Variants in PTPRD observed in about 807,000 individuals in gnomAD.
PTPRD encodes protein tyrosine phosphatase receptor type D, also known as receptor-type tyrosine-protein phosphatase delta.
Under a neutral mutation model 214.5 loss-of-function variants are expected in PTPRD, and 34 were observed. That is an observed-to-expected ratio of 0.16 (90% CI 0.12 to 0.21). PTPRD has a LOEUF of 0.21. PTPRD is among the 10% of genes least tolerant of loss of function. PTPRD has a pLI of 1.00. For synonymous variants in PTPRD, 1,128 were observed against 845.7 expected, an observed-to-expected ratio of 1.33 and a Z score of -5.79; for missense variants, 2,545 against 2,398.7, an observed-to-expected ratio of 1.06 and a Z score of -1.27.
At chr9:9,541,097 C>T (rs1396126348) in intron 8 of PTPRD, among the ~76,000 whole-genome samples, 1 of 151,706 alleles carries the variant, frequency 6.6e-6, no homozygotes, top group Non-Finnish European at 1.5e-5. Flanking sequence ...AGGAGAAATA[C>T]ACGGTAGACC....
intron 7 of PTPRD, among the ~76,000 whole-genome samples, chr9:9,661,155 A>G (rs188499265): frequency 6.6e-6 from 1 of 151,884 alleles, no homozygotes; most frequent in Non-Finnish European, 1.5e-5. Flanking sequence ...TATATTTCCA[A>G]TGAGAGGCTA....
chr9:8,708,704 A>ACC (rs60136458), intron 12 of PTPRD, among the ~76,000 whole-genome samples: 1 of 123,670 alleles, frequency 8.1e-6, no homozygotes, highest in Non-Finnish European at 1.7e-5. Flanking sequence ...AAAAAAAAAA[A>ACC]CAGAGCTACC....
chr9:9,782,768 A>G (rs540946941), intron 5 of PTPRD, among the ~76,000 whole-genome samples: 1 of 152,334 alleles, frequency 6.6e-6, no homozygotes, highest in South Asian at 2.1e-4. Context: ...ACTCCAGTGT[A>G]TAACAAGTTA....
At chr9:9,135,879 A>G (rs79161181) in intron 10 of PTPRD, among the ~76,000 whole-genome samples, 5,979 of 152,160 alleles carry the variant, frequency 0.039, 251 homozygotes, top group African/African-American at 0.094. Flanking sequence ...GTTCTTCAAA[A>G]GTTGAGCAGG....
intron 14 of PTPRD, among the ~76,000 whole-genome samples, chr9:8,581,351 C>A (rs1344325283): frequency 6.6e-6 from 1 of 152,150 alleles, no homozygotes; most frequent in Non-Finnish European, 1.5e-5. Flanking sequence ...ACTGACAGAA[C>A]TAAATTCTCA....
intron 7 of PTPRD, among the ~76,000 whole-genome samples, chr9:9,607,893 G>C (rs2094275592): frequency 6.6e-6 from 1 of 151,984 alleles, no homozygotes; most frequent in South Asian, 2.1e-4. Flanking sequence ...TTTAGAAAAC[G>C]CACTTGAGCT....
chr9:9,464,326 T>C (rs991752680), intron 8 of PTPRD, among the ~76,000 whole-genome samples: 2 of 152,188 alleles, frequency 1.3e-5, no homozygotes, highest in African/African-American at 4.8e-5. Flanking sequence ...CAGCTTATTG[T>C]TTCCAAAATG....
chr9:9,017,848 C>G (rs1415774772), intron 11 of PTPRD, among the ~76,000 whole-genome samples: 1 of 151,980 alleles, frequency 6.6e-6, no homozygotes, highest in African/African-American at 2.4e-5. Context: ...TAAAATGGAA[C>G]TTTCTTCTAC....
At chr9:9,482,040 T>G (rs921424562) in intron 8 of PTPRD, among the ~76,000 whole-genome samples, 1 of 152,148 alleles carries the variant, frequency 6.6e-6, no homozygotes, top group Non-Finnish European at 1.5e-5. Flanking sequence ...GGGGAGCTAC[T>G]CTGCCACATG....
chr9:9,655,187 C>T (rs1159353581), intron 7 of PTPRD, among the ~76,000 whole-genome samples: 1 of 152,066 alleles, frequency 6.6e-6, no homozygotes, highest in African/African-American at 2.4e-5. Flanking sequence ...GTGGAAGAAA[C>T]ATTTGCACAA....
At chr9:8,859,221 G>C (rs140386697) in intron 11 of PTPRD, among the ~76,000 whole-genome samples, 24 of 152,306 alleles carry the variant, frequency 1.6e-4, no homozygotes, top group Middle Eastern at 6.8e-3. Flanking sequence ...TATGTTGTTG[G>C]AAATGCAGTG....
chr9:8,807,863 G>A (rs2154521503), intron 11 of PTPRD, among the ~76,000 whole-genome samples: 1 of 152,120 alleles, frequency 6.6e-6, no homozygotes, highest in South Asian at 2.1e-4. Context: ...GGGCAACAGT[G>A]GTATGTATGG....
chr9:8,506,826 T>C (rs2097551493), intron 22 of PTPRD, among the ~76,000 whole-genome samples: 1 of 152,188 alleles, frequency 6.6e-6, no homozygotes, highest in Admixed American at 6.5e-5. Flanking sequence ...ACCAAATACT[T>C]TTTAGCAAAC....
At chr9:8,336,926 A>T (rs1847498815) in intron 43 of PTPRD, among the ~76,000 whole-genome samples, 1 of 152,226 alleles carries the variant, frequency 6.6e-6, no homozygotes, top group African/African-American at 2.4e-5. Flanking sequence ...TAGAATGGCG[A>T]TCATTAAAAA....
chr9:8,603,409 T>G (rs1191125406), intron 14 of PTPRD, among the ~76,000 whole-genome samples: 1 of 152,204 alleles, frequency 6.6e-6, no homozygotes, highest in African/African-American at 2.4e-5. Flanking sequence ...TTTGGCCCTA[T>G]AGACAGCTTT....
At chr9:8,719,494 T>C (rs66523670) in intron 12 of PTPRD, among the ~76,000 whole-genome samples, 15,718 of 152,242 alleles carry the variant, frequency 0.1, 2,534 homozygotes, top group African/African-American at 0.34. Context: ...TTGCTGATAT[T>C]CTCCACTTTC....
intron 6 of PTPRD, among the ~76,000 whole-genome samples, chr9:9,747,859 T>A (rs536982695): frequency 6.6e-6 from 1 of 152,298 alleles, no homozygotes; most frequent in East Asian, 1.9e-4. Flanking sequence ...GGCCTGAGTC[T>A]ACCATTTTTA....
chr9:9,998,825 A>G (rs999267485), intron 4 of PTPRD, among the ~76,000 whole-genome samples: 3 of 152,188 alleles, frequency 2.0e-5, no homozygotes, highest in Admixed American at 2.0e-4. Context: ...TACTGACTCC[A>G]AGTACTCTTT....
At chr9:10,197,218 C>A (rs2099401772) in intron 3 of PTPRD, among the ~76,000 whole-genome samples, 1 of 152,090 alleles carries the variant, frequency 6.6e-6, no homozygotes, top group South Asian at 2.1e-4. Context: ...GACCTTTCCT[C>A]TTTTGATGCA....
Sources: gnomAD v4.1 joint callset for allele counts (sites outside exome capture counted in the v4.1 genomes callset) on GRCh38, gnomAD v4.1.1 for gene constraint, MANE v1.5 for transcripts, NCBI Gene and HGNC (gene_info 2026-07-23, HGNC 2026-07-21) for gene names.